Variants in CNTN4 observed in about 807,000 individuals in gnomAD.
CNTN4 encodes the protein contactin-4.
Under a neutral mutation model 122.5 loss-of-function variants are expected in CNTN4, and 77 were observed. The ratio of observed to expected loss-of-function variants is 0.63; its 90% confidence interval spans 0.52 to 0.76. The LOEUF (loss-of-function observed/expected upper bound fraction) is 0.76. CNTN4 is among the 30% of genes least tolerant of loss of function. The pLI, the probability that CNTN4 is intolerant of heterozygous loss-of-function variation, is 0.00. For missense variants in CNTN4, 1,256 were observed against 1,259.1 expected (o/e 1.00, Z 0.04); for synonymous variants, 512 against 447.0 (o/e 1.15, Z -1.83).
At chr3:2,683,297 C>G (rs2085258934) in intron 4 of CNTN4, among the ~76,000 whole-genome samples, 2 of 150,790 alleles carry the variant, frequency 1.3e-5, no homozygotes, top group African/African-American at 2.5e-5. Context: ...TAGACCCTGC[C>G]CAAATCCACA....
chr3:2,399,590 T>C (rs781520858), intron 3 of CNTN4, among the ~76,000 whole-genome samples: 2 of 152,096 alleles, frequency 1.3e-5, no homozygotes, highest in Non-Finnish European at 1.5e-5. Flanking sequence ...ATATTAACTA[T>C]CTTATTTGAT....
chr3:2,840,564 TGATG>T (rs1559565012), intron 7 of CNTN4, among the ~76,000 whole-genome samples: 1 of 21,598 alleles, frequency 4.6e-5, no homozygotes, highest in African/African-American at 7.1e-5. Context: ...CCGGGCGCGG[TGATG>T]GGCGCCTGTA....
At chr3:2,889,369 C>T (rs2094013142) in intron 10 of CNTN4, among the ~76,000 whole-genome samples, 1 of 152,210 alleles carries the variant, frequency 6.6e-6, no homozygotes. Flanking sequence ...GACTGACTCT[C>T]CTCATGCCAG....
chr3:3,034,063 T>C (rs1699398134), intron 16 of CNTN4, among the ~76,000 whole-genome samples: 1 of 152,192 alleles, frequency 6.6e-6, no homozygotes, highest in Admixed American at 6.5e-5. Flanking sequence ...TGTGCTCACG[T>C]GGGAAGCAGG....
At chr3:2,629,257 A>T (rs1559324275) in intron 4 of CNTN4, among the ~76,000 whole-genome samples, 1 of 152,192 alleles carries the variant, frequency 6.6e-6, no homozygotes, top group Non-Finnish European at 1.5e-5. Context: ...CAAGCCAAGA[A>T]GAGAGCCCTC....
intron 13 of CNTN4, among the ~76,000 whole-genome samples, chr3:2,931,479 G>A (rs1426750155): frequency 1.3e-5 from 2 of 152,054 alleles, no homozygotes; most frequent in African/African-American, 4.8e-5. Flanking sequence ...TCATTCAAAC[G>A]GGGATTCCCA....
intron 2 of CNTN4, among the ~76,000 whole-genome samples, chr3:2,282,324 T>G (rs1183481540): frequency 6.6e-6 from 1 of 152,082 alleles, no homozygotes; most frequent in Non-Finnish European, 1.5e-5. Flanking sequence ...CTAAGGCATC[T>G]TCCTTAAAAT....
intron 3 of CNTN4, among the ~76,000 whole-genome samples, chr3:2,400,252 G>A (rs1179661809): frequency 1.3e-5 from 2 of 150,146 alleles, no homozygotes; most frequent in Non-Finnish European, 3.0e-5. Context: ...AAAACCAGAA[G>A]CTTGTTTCTG....
At chr3:2,293,559 T>A (rs1433780919) in intron 2 of CNTN4, among the ~76,000 whole-genome samples, 1 of 152,212 alleles carries the variant, frequency 6.6e-6, no homozygotes, top group Admixed American at 6.5e-5. Flanking sequence ...ATGCAGCACC[T>A]GTTTCATAAG....
intron 12 of CNTN4, among the ~76,000 whole-genome samples, chr3:2,917,290 GC>G (rs1326366430): frequency 3.3e-5 from 5 of 151,928 alleles, no homozygotes; most frequent in Non-Finnish European, 5.9e-5. Flanking sequence ...ACCGTGGAAA[GC>G]GGGAGGCGGA....
intron 2 of CNTN4, among the ~76,000 whole-genome samples, chr3:2,234,566 A>G (rs2039612775): frequency 6.6e-6 from 1 of 152,156 alleles, no homozygotes; most frequent in East Asian, 1.9e-4. Flanking sequence ...AAGAAAATTC[A>G]TTAAATGCCC....
At chr3:2,515,973 A>C (rs2077028922) in intron 3 of CNTN4, among the ~76,000 whole-genome samples, 1 of 152,094 alleles carries the variant, frequency 6.6e-6, no homozygotes, top group African/African-American at 2.4e-5. Flanking sequence ...ATGGATGATA[A>C]GTGGCCATTT....
chr3:2,823,447 A>C (rs1012194059), intron 7 of CNTN4, among the ~76,000 whole-genome samples: 1 of 152,178 alleles, frequency 6.6e-6, no homozygotes, highest in African/African-American at 2.4e-5. Context: ...TCTACCAATC[A>C]CTATGTGTGG....
intron 2 of CNTN4, among the ~76,000 whole-genome samples, chr3:2,199,469 T>C (rs2037997087): frequency 6.6e-6 from 1 of 152,136 alleles, no homozygotes; most frequent in Non-Finnish European, 1.5e-5. Context: ...AGCTTTGAAA[T>C]GATTGGATTT....
chr3:3,000,412 T>G (rs930132673), intron 14 of CNTN4, among the ~76,000 whole-genome samples: 9 of 152,006 alleles, frequency 5.9e-5, no homozygotes, highest in Non-Finnish European at 1.3e-4. Context: ...GGAGGGGTGG[T>G]CAGTGTTTTC....
intron 7 of CNTN4, among the ~76,000 whole-genome samples, chr3:2,849,891 G>A (rs2093517840): frequency 6.6e-6 from 1 of 152,062 alleles, no homozygotes; most frequent in Non-Finnish European, 1.5e-5. Flanking sequence ...AAGAAATACA[G>A]GTTCAGTAGT....
intron 2 of CNTN4, among the ~76,000 whole-genome samples, chr3:2,109,570 G>A (rs1179348634): frequency 6.6e-6 from 1 of 152,250 alleles, no homozygotes; most frequent in East Asian, 1.9e-4. Flanking sequence ...GTGAGGACAG[G>A]TGTTGCATGT....
intron 7 of CNTN4, among the ~76,000 whole-genome samples, chr3:2,861,261 T>C (rs17021457): frequency 0.15 from 23,419 of 152,146 alleles, 1,855 homozygotes; most frequent in Middle Eastern, 0.26. Context: ...CATGGACTTA[T>C]GCCATTTTTC....
In CNTN4 at chr3:2,290,409, T is replaced by C. The variant is rs189420475; in HGVS notation, c.-144-48769T>C. On this transcript the variant is annotated intron_variant, in intron 2 of 24. Coordinates refer to ENST00000418658, the MANE Select transcript of CNTN4 (RefSeq NM_175607.3). ...ATTGACATTGGAACATTCATATCTTTACATTTATACGTACAACACCTGTTA... is the reference window on the plus strand; with the variant it reads ...ATTGACATTGGAACATTCATATCTTCACATTTATACGTACAACACCTGTTA... Among the ~76,000 whole-genome samples the C allele has an allele frequency of 2.9e-4, 44 of 152,308 alleles. No homozygotes were observed. The East Asian group carries it at 4.6e-3, about 16-fold the overall frequency.
Sources: gnomAD v4.1 joint callset for allele counts (sites outside exome capture counted in the v4.1 genomes callset) on GRCh38, gnomAD v4.1.1 for gene constraint, MANE v1.5 for transcripts, NCBI Gene and HGNC (gene_info 2026-07-23, HGNC 2026-07-21) for gene names.